Variants in TNRC6C observed in about 807,000 individuals in gnomAD.
TNRC6C encodes trinucleotide repeat containing adaptor 6C.
TNRC6C carries 20 observed loss-of-function variants against 153.7 expected under a neutral mutation model. The ratio of observed to expected loss-of-function variants is 0.13; its 90% CI spans 0.09 to 0.19. TNRC6C has a LOEUF of 0.19. Among genes scored for constraint, TNRC6C ranks in the 10% least tolerant of loss-of-function variants. The pLI, the probability that TNRC6C is intolerant of heterozygous loss-of-function variation, is 1.00. For missense variants in TNRC6C, 1,987 were observed against 2,172.0 expected, an observed-to-expected ratio of 0.91 and a Z score of 1.69; for synonymous variants, 811 against 841.4, an observed-to-expected ratio of 0.96 and a Z score of 0.63.
chr17:78,016,067 G>A (rs1482867862), intron 1 of TNRC6C, among the ~76,000 whole-genome samples: 1 of 152,156 alleles, frequency 6.6e-6, no homozygotes, highest in African/African-American at 2.4e-5. Context: ...AGGGCTGAAG[G>A]GGGTAAACTC....
upstream of TNRC6C, among the ~76,000 whole-genome samples, chr17:78,002,523 A>G (rs533977796): frequency 6.6e-6 from 1 of 152,272 alleles, no homozygotes; most frequent in South Asian, 2.1e-4. Context: ...AATTTGTTTT[A>G]CTGATTTTTG....
chr17:77,980,734 C>G (rs141090496), intron 1 of TNRC6C, among the ~76,000 whole-genome samples: 96 of 152,286 alleles, frequency 6.3e-4, no homozygotes, highest in African/African-American at 2.3e-3. Context: ...TCCCACCACC[C>G]CTCTTTGGGT....
At chr17:78,003,123 C>G (rs147204884), upstream of TNRC6C, among the ~76,000 whole-genome samples, 1,319 of 152,246 alleles carry the variant, frequency 8.7e-3, 13 homozygotes, top group South Asian at 0.038. Context: ...CCCTGGTGAT[C>G]AGGTGGGGGA....
At chr17:77,963,484 C>A (rs2070876121) in intron 1 of TNRC6C, among the ~76,000 whole-genome samples, 1 of 152,212 alleles carries the variant, frequency 6.6e-6, no homozygotes, top group Admixed American at 6.5e-5. Flanking sequence ...TGGAGTTTTA[C>A]TAAAAATGAA....
At chr17:77,976,517 T>C (rs1455322877) in intron 1 of TNRC6C, among the ~76,000 whole-genome samples, 1 of 152,258 alleles carries the variant, frequency 6.6e-6, no homozygotes, top group Non-Finnish European at 1.5e-5. Context: ...ATTTGTCTCC[T>C]GTGGTATTAT....
intron 1 of TNRC6C, among the ~76,000 whole-genome samples, chr17:77,996,463 G>A (rs2143112517): frequency 6.6e-6 from 1 of 152,312 alleles, no homozygotes; most frequent in East Asian, 1.9e-4. Flanking sequence ...AGTCAGTGCG[G>A]TGAATCCACT....
At chr17:78,050,574 T>C (rs1456036285) in exon 3 of TNRC6C, 50 of 1,606,022 alleles carry the variant, frequency 3.1e-5, no homozygotes, top group Non-Finnish European at 4.1e-5. Flanking sequence ...CAAATACCTC[T>C]TCAGTATCTG....
intron 1 of TNRC6C, among the ~76,000 whole-genome samples, chr17:78,029,838 T>C (rs1003416968): frequency 1.2e-4 from 17 of 145,230 alleles, no homozygotes; most frequent in Admixed American, 5.5e-4. Flanking sequence ...CACACACACA[T>C]AAGCCAAGGC....
intron 16 of TNRC6C, among the ~76,000 whole-genome samples, chr17:78,096,199 CG>C (rs2073483289): frequency 6.6e-6 from 1 of 152,024 alleles, no homozygotes; most frequent in Non-Finnish European, 1.5e-5. Context: ...CACTTACAAA[CG>C]GGAGCCCAAC....
chr17:78,022,852 T>TG (rs1322728927), intron 1 of TNRC6C, among the ~76,000 whole-genome samples: 1 of 152,268 alleles, frequency 6.6e-6, no homozygotes, highest in Non-Finnish European at 1.5e-5. Context: ...AATGGACAGT[T>TG]GCATCTGTAC....
intron 2 of TNRC6C, among the ~76,000 whole-genome samples, chr17:78,033,535 G>A (rs2072114980): frequency 6.6e-6 from 1 of 152,136 alleles, no homozygotes; most frequent in Admixed American, 6.5e-5. Context: ...TGGGCATGTT[G>A]GCACATGCCT....
intron 11 of TNRC6C, among the ~76,000 whole-genome samples, chr17:78,084,347 A>C (rs569827404): frequency 2.7e-5 from 4 of 150,774 alleles, no homozygotes; most frequent in Admixed American, 2.6e-4. Flanking sequence ...AAAGAATGGG[A>C]ACTCCAAAAG....
At chr17:78,085,862 A>AAAAGG (rs1449881698) in intron 11 of TNRC6C, among the ~76,000 whole-genome samples, 1 of 150,234 alleles carries the variant, frequency 6.7e-6, no homozygotes, top group African/African-American at 2.5e-5. Context: ...TTTAAGTTTC[A>AAAAGG]GTTTGTATGA....
rs186963494 is a variant in TNRC6C at position 78,075,353 on chromosome 17, C to A, written c.3060+75C>A. 690 of 1,489,354 alleles carry A rather than the reference C, an allele frequency of 4.6e-4. 13 individuals are homozygous for A. The East Asian group carries it at 0.015, about 32-fold the overall frequency. 92.3% of individuals were successfully genotyped at this position (1,489,354 alleles called of 1,614,324 possible). A position where few individuals can be genotyped will look rare whatever the true frequency, so the allele number is the denominator to read the frequency against. On this transcript the variant is annotated intron_variant, in intron 8 of 19. Transcript: ENST00000301624. The surrounding 1 kb of genome is among the most constrained non-coding windows in gnomAD (Gnocchi z 4.2). ...TTTCATTTCAACTGTGTCCTTAATA[C>A]AAGCCAGATTAAAAACTTGCTGGAC...
chr17:78,030,314 TTG>T (rs138986862), intron 1 of TNRC6C, among the ~76,000 whole-genome samples: 2 of 142,188 alleles, frequency 1.4e-5, no homozygotes, highest in Non-Finnish European at 3.2e-5. Context: ...CACACCTGGC[TTG>T]TGTGTGTGCG....
intron 2 of TNRC6C, among the ~76,000 whole-genome samples, chr17:78,044,129 C>A (rs1370994352): frequency 6.6e-6 from 1 of 152,130 alleles, no homozygotes; most frequent in African/African-American, 2.4e-5. Flanking sequence ...AACATAGATT[C>A]ATAGTCTCAG....
At chr17:78,094,775 T>C (rs1361582286) in intron 16 of TNRC6C, among the ~76,000 whole-genome samples, 1 of 152,254 alleles carries the variant, frequency 6.6e-6, no homozygotes, top group Non-Finnish European at 1.5e-5. Flanking sequence ...GGCTTCTAAA[T>C]GTGCCTGTGG....
intron 1 of TNRC6C, among the ~76,000 whole-genome samples, chr17:78,008,078 T>C (rs1220886808): frequency 6.6e-6 from 1 of 152,138 alleles, no homozygotes; most frequent in Non-Finnish European, 1.5e-5. Context: ...AATAGATGAG[T>C]CTCCATTATA....
At chr17:77,973,606 G>C (rs1235280088) in intron 1 of TNRC6C, among the ~76,000 whole-genome samples, 1 of 152,194 alleles carries the variant, frequency 6.6e-6, no homozygotes, top group Non-Finnish European at 1.5e-5. Flanking sequence ...GAATCCACAA[G>C]AAAGGTTACT....
Sources: gnomAD v4.1 joint callset for allele counts (sites outside exome capture counted in the v4.1 genomes callset) on GRCh38, gnomAD v4.1.1 for gene constraint, Gnocchi (gnomAD v3.1) non-coding constraint, MANE v1.5 for transcripts, NCBI Gene and HGNC (gene_info 2026-07-23, HGNC 2026-07-21) for gene names.